CTNND2: variants seen among roughly 807,000 people sequenced by gnomAD.
CTNND2 encodes the protein catenin delta 2.
Under a neutral mutation model 144.4 loss-of-function variants are expected in CTNND2, and 22 were observed. That is an observed-to-expected ratio of 0.15 (90% CI 0.11 to 0.22). CTNND2 has a LOEUF of 0.22. CTNND2 is among the 10% of genes least tolerant of loss of function. The probability of loss-of-function intolerance (pLI) is 1.00; values close to 1 mark genes in which losing one functional copy is unlikely to be tolerated. For missense variants in CTNND2, 1,353 were observed against 1,618.8 expected (o/e 0.84, Z 2.82); for synonymous variants, 751 against 695.6 (o/e 1.08, Z -1.25).
chr5:11,771,150 T>C (rs1048624550), intron 1 of CTNND2, among the ~76,000 whole-genome samples: 1 of 150,602 alleles, frequency 6.6e-6, no homozygotes, highest in Admixed American at 6.6e-5. Context: ...GGGTCCAAAT[T>C]ACCATCCTGG....
Position 11,462,738 on chromosome 5 carries a change from GTTTTTAATAA to G in CTNND2, c.288-50679_288-50670del, listed in dbSNP as rs1277639008. Among the ~76,000 whole-genome samples the G allele has an allele frequency of 2.0e-5, 3 of 152,056 alleles. No individual in the cohort carries two copies. The East Asian group carries it at 5.8e-4, about 29-fold the overall frequency. ...TTTTATGTTATGTGCTGTTGTTGTT[GTTTTTAATAA>G]TTTTTAATAATTTAATAAATACCAA... On this transcript the variant is annotated intron_variant, in intron 3 of 21. Transcript: ENST00000304623.
chr5:11,774,741 C>A (rs1790156950), intron 1 of CTNND2, among the ~76,000 whole-genome samples: 2 of 151,866 alleles, frequency 1.3e-5, no homozygotes, highest in African/African-American at 2.4e-5. Flanking sequence ...CCCCATGATA[C>A]CATTTTATTA....
In CTNND2 at chr5:11,171,121, C is replaced by G. The variant is rs985461404; in HGVS notation, c.1976-11362G>C. On this transcript the variant is annotated intron_variant, in intron 11 of 21. Coordinates refer to ENST00000304623, the MANE Select transcript of CTNND2 (RefSeq NM_001332.4). ...CCAAACTATATCAGATACTGTTGCT[C>G]TATCATAATAATGTCACTGATGATC... is the stretch of plus-strand genomic sequence containing the variant. Among the ~76,000 whole-genome samples the G allele has an allele frequency of 3.3e-5, 5 of 152,142 alleles. No individual in the cohort carries two copies. In the East Asian group the frequency reaches 9.6e-4, roughly 29 times the overall value.
chr5:11,888,432 A>C (rs948325811), intron 1 of CTNND2, among the ~76,000 whole-genome samples: 1 of 152,114 alleles, frequency 6.6e-6, no homozygotes, highest in Non-Finnish European at 1.5e-5. Context: ...AGCCTTGCCA[A>C]CCTTAATCCA....
At chr5:11,143,039 T>TC (rs1403244234) in intron 12 of CTNND2, among the ~76,000 whole-genome samples, 1 of 151,892 alleles carries the variant, frequency 6.6e-6, no homozygotes, top group Non-Finnish European at 1.5e-5. Flanking sequence ...ATTTCCTCCT[T>TC]CCCCCTTGAC....
intron 9 of CTNND2, among the ~76,000 whole-genome samples, chr5:11,286,413 G>A (rs1236383049): frequency 6.6e-6 from 1 of 152,146 alleles, no homozygotes; most frequent in African/African-American, 2.4e-5. Flanking sequence ...AACAAGGTAG[G>A]TGCTTGTATT....
At chr5:11,068,287 T>C (rs981909848) in intron 16 of CTNND2, among the ~76,000 whole-genome samples, 2 of 152,184 alleles carry the variant, frequency 1.3e-5, no homozygotes, top group Admixed American at 6.5e-5. Flanking sequence ...CAAGTACTCA[T>C]ATCTAGGTGG....
chr5:11,271,193 A>T (rs1745971350), intron 9 of CTNND2, among the ~76,000 whole-genome samples: 1 of 152,150 alleles, frequency 6.6e-6, no homozygotes, highest in South Asian at 2.1e-4. Context: ...GTTCTATTCC[A>T]TTACATTATT....
At chr5:11,725,336 G>A (rs764586790) in intron 2 of CTNND2, among the ~76,000 whole-genome samples, 2 of 152,202 alleles carry the variant, frequency 1.3e-5, no homozygotes, top group Non-Finnish European at 2.9e-5. Context: ...ATAAGGTATA[G>A]TTGTTCCTTA....
chr5:11,218,044 C>T (rs973607556), intron 10 of CTNND2, among the ~76,000 whole-genome samples: 1 of 150,404 alleles, frequency 6.6e-6, no homozygotes, highest in Non-Finnish European at 1.5e-5. Context: ...CCTTCTTCCT[C>T]CTTCCTCCTT....
rs758709405 is a variant in CTNND2, at chr5:11,412,026, A to G, written c.322+9T>C. 1 of 1,605,668 alleles carries G rather than the reference A, an allele frequency of 6.2e-7. No homozygotes were observed. The highest frequency in any genetic ancestry group is 8.5e-7 in the Non-Finnish European group (1 of 1,172,500). ...AAGTGTAAGTGTTCATCAATAAGATAGACATTACCTTGTGACTGCCACTGA... is the reference window on the plus strand; with the variant it reads ...AAGTGTAAGTGTTCATCAATAAGATGGACATTACCTTGTGACTGCCACTGA... On this transcript the variant is annotated intron_variant, in intron 4 of 21. Transcript: ENST00000304623.
intron 16 of CTNND2, among the ~76,000 whole-genome samples, chr5:11,063,575 A>G (rs919086750): frequency 6.6e-6 from 1 of 152,084 alleles, no homozygotes; most frequent in Non-Finnish European, 1.5e-5. Flanking sequence ...CGGGGGAGGT[A>G]GAAAGCTTAT....
chr5:11,766,136 A>G (rs895739709), intron 1 of CTNND2, among the ~76,000 whole-genome samples: 2 of 152,230 alleles, frequency 1.3e-5, no homozygotes, highest in African/African-American at 4.8e-5. Context: ...TAATTAAATC[A>G]CATTCCAGGA....
chr5:10,987,153 C>T (rs10434646), intron 20 of CTNND2, among the ~76,000 whole-genome samples: 59,218 of 152,048 alleles, frequency 0.39, 11,948 homozygotes, highest in African/African-American at 0.49. Flanking sequence ...CTCAGGGCTC[C>T]GGCAGCTTTG....
rs181106778 is a variant in CTNND2 at position 11,513,782 on chromosome 5, C to T, written c.287+51162G>A. ...ATTTAACAGACATTTAATGAGTCTA[C>T]ACTATATAGTATGTGTGGTCTAGAG... On this transcript the variant is annotated intron_variant, in intron 3 of 21. Transcript: ENST00000304623. Among the ~76,000 whole-genome samples, 281 of 152,178 alleles carry T rather than the reference C, an allele frequency of 1.8e-3. 1 individual carries two copies. Among genetic ancestry groups the T allele is most frequent in the Middle Eastern group, 6.8e-3 (2 of 294 alleles).
chr5:10,991,963 G>C (rs1738725144), intron 19 of CTNND2, among the ~76,000 whole-genome samples: 1 of 152,176 alleles, frequency 6.6e-6, no homozygotes, highest in African/African-American at 2.4e-5. Flanking sequence ...TGTCACCCAG[G>C]CTGGGGTGCA....
In CTNND2 at chr5:11,450,369, C is replaced by A. The variant is rs534347044; in HGVS notation, c.288-38300G>T. On this transcript the variant is annotated intron_variant, in intron 3 of 21. Coordinates refer to ENST00000304623, the MANE Select transcript of CTNND2 (RefSeq NM_001332.4). ...ACACCATGCAACAGAACAGTCGTGC[C>A]TTCAGTGAGGGTGCCAATGGGTAAA... Among the ~76,000 whole-genome samples the A allele has an allele frequency of 6.6e-5, 10 of 152,294 alleles. No individual in the cohort carries two copies. The East Asian group carries it at 1.9e-3, about 29-fold the overall frequency.
intron 1 of CTNND2, among the ~76,000 whole-genome samples, chr5:11,782,381 T>C (rs1790588024): frequency 7.2e-6 from 1 of 139,058 alleles, no homozygotes; most frequent in Non-Finnish European, 1.5e-5. Flanking sequence ...ACTTACTACG[T>C]TTGAAATTTT....
At chr5:11,112,023 G>C (rs1489963082) in intron 13 of CTNND2, among the ~76,000 whole-genome samples, 2 of 151,512 alleles carry the variant, frequency 1.3e-5, no homozygotes, top group Non-Finnish European at 2.9e-5. Context: ...ATTTTTTTTT[G>C]TATTTTTAGT....
Sources: allele counts gnomAD v4.1 joint callset (sites outside exome capture counted in the v4.1 genomes callset), GRCh38; gene constraint gnomAD v4.1.1; transcripts MANE v1.5; gene names NCBI Gene and HGNC (gene_info 2026-07-23, HGNC 2026-07-21).